The following DIP2C variants were observed in gnomAD, a reference collection of about 807,000 sequenced individuals.
DIP2C encodes the protein DIP2 acetate--CoA ligase C (putative).
DIP2C carries 33 observed loss-of-function variants against 192.4 expected under a neutral mutation model. The observed-to-expected ratio is 0.17, with a 90% CI of 0.13 to 0.23. The LOEUF is 0.23. DIP2C is among the 10% of genes least tolerant of loss of function. The pLI is 1.00. For synonymous variants in DIP2C, 979 were observed against 864.1 expected (o/e 1.13, Z -2.33); for missense variants, 1,537 against 2,110.1 (o/e 0.73, Z 5.32).
chr10:393,826 G>GAAAAA (rs1203515501), intron 10 of DIP2C, among the ~76,000 whole-genome samples: 2 of 110,646 alleles, frequency 1.8e-5, no homozygotes. Context: ...AAAGGAAAAG[G>GAAAAA]AAAAAAAAAA....
intron 1 of DIP2C, among the ~76,000 whole-genome samples, chr10:552,995 G>A (rs930332445): frequency 7.2e-5 from 11 of 152,252 alleles, no homozygotes; most frequent in Non-Finnish European, 1.5e-5. Flanking sequence ...CCCTAGGGAA[G>A]AAGCCAGTAT....
At position 688,721 on chromosome 10, in the gene DIP2C, TC is replaced by T. The variant is rs150910633; in HGVS notation, c.85+772del. 9.4e-3 allele frequency among the ~76,000 whole-genome samples: 1,436 copies of T among 152,320 alleles called. 55 individuals carry two copies. Among genetic ancestry groups the T allele is most frequent in the East Asian group, 0.08 (413 of 5,180 alleles). On this transcript the variant is annotated intron_variant, in intron 1 of 36. Transcript: ENST00000280886. Reference sequence around the variant, plus strand: ...ACTTATGACAGTTGAGCACATGATCTCCGCCATGAAGAGCAAATAAGAGGCG... The same window carrying T: ...ACTTATGACAGTTGAGCACATGATCTCGCCATGAAGAGCAAATAAGAGGCG...
intron 1 of DIP2C, among the ~76,000 whole-genome samples, chr10:609,212 C>T (rs1852890908): frequency 6.6e-6 from 1 of 151,910 alleles, no homozygotes. Context: ...CATTCAACCA[C>T]CAATACCTCT....
intron 2 of DIP2C, among the ~76,000 whole-genome samples, chr10:482,766 C>G (rs1055865034): frequency 2.0e-5 from 3 of 152,132 alleles, no homozygotes; most frequent in African/African-American, 4.8e-5. Context: ...TTATCCAAGT[C>G]GACACTGTTA....
At chr10:311,758 G>T (rs905563976) in intron 31 of DIP2C, among the ~76,000 whole-genome samples, 1 of 152,130 alleles carries the variant, frequency 6.6e-6, no homozygotes, top group Non-Finnish European at 1.5e-5. Flanking sequence ...ATCAAATATG[G>T]AAATCATTAA....
intron 1 of DIP2C, among the ~76,000 whole-genome samples, chr10:606,057 G>A (rs924473553): frequency 1.3e-5 from 2 of 152,296 alleles, no homozygotes; most frequent in South Asian, 2.1e-4. Flanking sequence ...TCTTCCTGGC[G>A]AGAACCCCCG....
rs370163516 is a variant in DIP2C at position 369,481 on chromosome 10, G to A, written c.2131+13C>T. 1.3e-5 allele frequency: 20 copies of A among 1,527,794 alleles called. No homozygotes were observed. The highest frequency in any genetic ancestry group is 8.3e-5 in the African/African-American group (6 of 72,482). 94.6% of individuals were successfully genotyped at this position (1,527,794 alleles called of 1,614,324 possible). A position where few individuals can be genotyped will look rare whatever the true frequency, so the allele number is the denominator to read the frequency against. On this transcript the variant is annotated intron_variant, in intron 18 of 36. Coordinates refer to ENST00000280886, the MANE Select transcript of DIP2C (RefSeq NM_014974.3). ...TAACTGGTTAATCTGTGCAGCTCGC[G>A]ACCCACACTCACCTCCAGGCATCAC...
chr10:465,148 G>A (rs560925952), intron 3 of DIP2C, among the ~76,000 whole-genome samples: 20 of 124,304 alleles, frequency 1.6e-4, no homozygotes, highest in African/African-American at 6.2e-4. Context: ...ATAAAATACT[G>A]GCAAACCGAA....
chr10:449,434 C>T (rs920550027), intron 3 of DIP2C, among the ~76,000 whole-genome samples: 2 of 152,070 alleles, frequency 1.3e-5, no homozygotes, highest in African/African-American at 4.8e-5. Context: ...GCATATTATA[C>T]ATAATACTGC....
chr10:677,832 TC>T (rs1158807650), intron 1 of DIP2C, among the ~76,000 whole-genome samples: 1 of 151,980 alleles, frequency 6.6e-6, no homozygotes, highest in Non-Finnish European at 1.5e-5. Context: ...GTCCCCACAA[TC>T]CCCCAGAAGT....
At chr10:469,046 G>T (rs1970430289) in intron 3 of DIP2C, among the ~76,000 whole-genome samples, 1 of 152,102 alleles carries the variant, frequency 6.6e-6, no homozygotes, top group Non-Finnish European at 1.5e-5. Flanking sequence ...CCTGGGTGCA[G>T]AATTGGAGAC....
intron 17 of DIP2C, among the ~76,000 whole-genome samples, chr10:377,981 A>G (rs1276970527): frequency 6.6e-6 from 1 of 152,200 alleles, no homozygotes; most frequent in Non-Finnish European, 1.5e-5. Flanking sequence ...GCTTTAAGAA[A>G]ATCAAGTCTA....
At chr10:622,023 A>G (rs1286765166) in intron 1 of DIP2C, among the ~76,000 whole-genome samples, 1 of 151,610 alleles carries the variant, frequency 6.6e-6, no homozygotes, top group East Asian at 2.0e-4. Context: ...AGTAAGTCCA[A>G]TAAATACACA....
chr10:419,034 G>GA (rs749743610), intron 6 of DIP2C, 31 bp downstream of exon 6: 13 of 1,614,006 alleles, frequency 8.1e-6, no homozygotes, highest in African/African-American at 6.7e-5. Flanking sequence ...CCGTTTACCA[G>GA]AAAAAAACGC....
chr10:356,563 G>C (rs1236231134), intron 23 of DIP2C, 57 bp from the exon 24 acceptor site: 25 of 1,495,868 alleles, frequency 1.7e-5, no homozygotes, highest in Non-Finnish European at 5.5e-6. Flanking sequence ...GGCTGTGCGG[G>C]CTGAGGTGGG....
chr10:600,729 C>CT (rs1206682825), intron 1 of DIP2C, among the ~76,000 whole-genome samples: 1 of 152,202 alleles, frequency 6.6e-6, no homozygotes, highest in Non-Finnish European at 1.5e-5. Context: ...TTTTCACAGT[C>CT]TCATTTCATT....
intron 29 of DIP2C, 90 bp from the exon 30 acceptor site, chr10:329,691 G>A (rs1317547264): frequency 3.5e-5 from 51 of 1,475,912 alleles, no homozygotes; most frequent in Non-Finnish European, 4.4e-5. Context: ...CTGACTCCAA[G>A]GAAAAGGAGG....
intron 1 of DIP2C, among the ~76,000 whole-genome samples, chr10:593,356 G>GT (rs1186869380): frequency 6.6e-6 from 1 of 151,990 alleles, no homozygotes; most frequent in African/African-American, 2.4e-5. Flanking sequence ...AATTTTATAT[G>GT]TTTTCCCAAC....
In DIP2C at chr10:332,377, T is replaced by A. The variant is rs151120903; in HGVS notation, c.3585-2776A>T. Among the ~76,000 whole-genome samples the A allele has an allele frequency of 2.4e-3, 371 of 152,308 alleles. 1 individual carries two copies. Among genetic ancestry groups the A allele is most frequent in the Non-Finnish European group, 4.2e-3 (283 of 68,024 alleles). ...CAAATATACTTGTGAAAACTAAATA[T>A]AGTTTCACCTCCCTCCTCATCACCA... On this transcript the variant is annotated intron_variant, in intron 29 of 36. Coordinates refer to ENST00000280886, the MANE Select transcript of DIP2C (RefSeq NM_014974.3).
Sources: allele counts gnomAD v4.1 joint callset (sites outside exome capture counted in the v4.1 genomes callset), GRCh38; gene constraint gnomAD v4.1.1; transcripts MANE v1.5; gene names NCBI Gene and HGNC (gene_info 2026-07-23, HGNC 2026-07-21).